CRTC2: variants seen among roughly 807,000 people sequenced by gnomAD.
CRTC2 encodes CREB regulated transcription coactivator 2, also known as CREB-regulated transcription coactivator 2.
A neutral mutation model predicts 70.9 loss-of-function variants in CRTC2; 25 were observed. The ratio of observed to expected loss-of-function variants is 0.35; its 90% CI spans 0.26 to 0.49. CRTC2 has a LOEUF of 0.49. CRTC2 is among the 20% of genes least tolerant of loss of function. CRTC2 has a pLI of 0.98. For missense variants in CRTC2, 737 were observed against 882.6 expected (o/e 0.83, Z 2.09); for synonymous variants, 330 against 364.1 (o/e 0.91, Z 1.07).
At chr1:153,950,375 C>T (rs1000295427) in intron 11 of CRTC2, among the ~76,000 whole-genome samples, 4 of 152,200 alleles carry the variant, frequency 2.6e-5, no homozygotes, top group African/African-American at 9.7e-5. Context: ...CAAGCTCACT[C>T]CACACTCTGG....
chr1:153,948,291 C>A lies in CRTC2; in HGVS notation c.1900G>T (p.Ala634Ser), dbSNP rs535110806. The change falls in exon 14 of 14, where the codon GCC (alanine) becomes TCC (serine). Residue 634 changes from alanine to serine, a missense_variant. Physicochemically the swap from Ala to Ser is moderately conservative, Grantham distance 99. This residue lies in a region of CRTC2 where 699 missense variants were observed against 823.7 expected (regional missense o/e 0.85). Transcript: ENST00000368633. ...SPGFSKEIAA[A>S]LAGVPGFEVS... ...TCAAAGCCAGGCACTCCGGCCAGGGCTGCTGCAATCTCCTTAGAGAAACCT... is the reference window on the plus strand; with the variant it reads ...TCAAAGCCAGGCACTCCGGCCAGGGATGCTGCAATCTCCTTAGAGAAACCT... 2 of 1,614,266 alleles carry A rather than the reference C, an allele frequency of 1.2e-6. No individual in the cohort carries two copies. The highest frequency in any genetic ancestry group is 2.7e-5 in the African/African-American group (2 of 75,078).
At chr1:153,950,991 C>G (rs1442579372) in intron 11 of CRTC2, among the ~76,000 whole-genome samples, 1 of 152,130 alleles carries the variant, frequency 6.6e-6, no homozygotes, top group Non-Finnish European at 1.5e-5. Context: ...AATACTGAGG[C>G]TTATAGAAAT....
At chr1:153,955,369 C>T (rs1319105436) in intron 1 of CRTC2, among the ~76,000 whole-genome samples, 1 of 151,960 alleles carries the variant, frequency 6.6e-6, no homozygotes, top group Non-Finnish European at 1.5e-5. Context: ...AGATCGACAC[C>T]ATCCTGGCTA....
chr1:153,951,729 A>G, intron 10 of CRTC2, 63 bp from the exon 11 acceptor site: 6 of 1,562,488 alleles, frequency 3.8e-6, no homozygotes, highest in Non-Finnish European at 4.4e-6. Flanking sequence ...GCCCCTTTCC[A>G]CCCAGAATGG....
chr1:153,955,421 G>C (rs12144902), intron 1 of CRTC2, among the ~76,000 whole-genome samples: 1 of 152,002 alleles, frequency 6.6e-6, no homozygotes, highest in African/African-American at 2.4e-5. Context: ...CAAAAAATTA[G>C]CCGGGCGTGG....
Position 153,951,287 on chromosome 1 carries a change from C to T in CRTC2, c.1377G>A (p.Met459Ile), listed in dbSNP as rs1553207944. The T allele has an allele frequency of 2.5e-6, 4 of 1,613,984 alleles. No homozygotes were observed. Among genetic ancestry groups the T allele is most frequent in the Non-Finnish European group, 3.4e-6 (4 of 1,180,004 alleles). The change falls in exon 11 of 14, where the codon ATG (methionine) becomes ATA (isoleucine). Residue 459 changes from methionine (M) to isoleucine (I), a missense_variant. Met to Ile is a conservative substitution (Grantham distance 10). Around this residue, in one of 3 missense-constraint regions of CRTC2, gnomAD observed 699 missense variants for 823.7 expected, o/e 0.85. Transcript: ENST00000368633. ...QQLPKQFSPTMSPTLSSITQG... is the reference protein window; with the variant it reads ...QQLPKQFSPTISPTLSSITQG... The stretch of plus-strand genomic sequence containing the variant: ...GAGTGATGGAAGACAAGGTGGGTGA[C>T]ATTGTTGGCGAAAACTGTTTGGGCA...
rs763177875 is a variant in CRTC2, at chr1:153,953,559, C to G, written c.482G>C (p.Arg161Pro). The G allele has an allele frequency of 6.2e-7, 1 of 1,611,016 alleles. No individual in the cohort carries two copies. Among genetic ancestry groups the G allele is most frequent in the South Asian group, 1.1e-5 (1 of 90,712 alleles). ...NFPAEKGQLF[R>P]LPSALNRTSS... ...TCACCTGTTAAGTGCAGATGGTAGTCGAAACAACTGCCCCTTCTCTGCAGG... is the reference window on the plus strand; with the variant it reads ...TCACCTGTTAAGTGCAGATGGTAGTGGAAACAACTGCCCCTTCTCTGCAGG... The change falls in exon 5 of 14, where the codon CGA (arginine) becomes CCA (proline). Residue 161 changes from arginine to proline, a missense_variant. Physicochemically the swap from Arg to Pro is moderately radical, Grantham distance 103. Transcript: ENST00000368633.
At position 153,949,813 on chromosome 1, in the gene CRTC2, G is replaced by C. The variant is rs184270497; in HGVS notation, c.1405-429C>G. Among the ~76,000 whole-genome samples the C allele has an allele frequency of 7.5e-3, 1,132 of 151,770 alleles. 9 individuals are homozygous for C. Among genetic ancestry groups the C allele is most frequent in the Non-Finnish European group, 0.012 (847 of 67,958 alleles). Reference sequence around the variant, plus strand: ...TGCAGTGAGCCAAGATCACACCACTGCACTTCAGCCTGGGCAACAGAGCGA... The same window carrying C: ...TGCAGTGAGCCAAGATCACACCACTCCACTTCAGCCTGGGCAACAGAGCGA... On this transcript the variant is annotated intron_variant, in intron 11 of 13. Transcript: ENST00000368633.
In CRTC2 at chr1:153,953,614, A is replaced by G; in HGVS notation, c.435-8T>C. On this transcript the variant is annotated splice_region_variant and splice_polypyrimidine_tract_variant and intron_variant, in intron 4 of 13. Coordinates refer to ENST00000368633, the MANE Select transcript of CRTC2 (RefSeq NM_181715.3). The stretch of plus-strand genomic sequence containing the variant: ...TTGCCCCAGGCCATCGTCCTGGGGT[A>G]GAAAAACAAAGTCATGAGGAGGAAG... The G allele has an allele frequency of 6.2e-7, 1 of 1,602,016 alleles. No individual in the cohort carries two copies. Among genetic ancestry groups the G allele is most frequent in the South Asian group, 1.1e-5 (1 of 89,724 alleles).
At chr1:153,948,843 C>T (rs541085481) in intron 12 of CRTC2, 199 bp from the exon 13 acceptor site, 1 of 754,186 alleles carries the variant, frequency 1.3e-6, no homozygotes, top group East Asian at 2.7e-5. Flanking sequence ...CCTGCTGGGC[C>T]AGAGCATGTG....
intron 1 of CRTC2, 22 bp downstream of exon 1, chr1:153,958,323 G>T (rs1238802122): frequency 6.2e-7 from 1 of 1,607,584 alleles, no homozygotes; most frequent in East Asian, 2.2e-5. Context: ...CTCTGCTCCG[G>T]CTCCCCGGCG....
chr1:153,948,819 G>T, intron 12 of CRTC2, 175 bp from the exon 13 acceptor site: 1 of 788,770 alleles, frequency 1.3e-6, no homozygotes, highest in Non-Finnish European at 2.2e-6. Context: ...CCCGAAGTAA[G>T]TATGGGCACC....
rs200473751 is a variant in CRTC2 at position 153,952,788 on chromosome 1, C to G, written c.637+17G>C. On this transcript the variant is annotated intron_variant, in intron 7 of 13. Transcript: ENST00000368633. ...ATTCTTTGGCATTCAGTACCCACAG[C>G]AGTGAGGAACACATACCTTTGGGGT... The G allele has an allele frequency of 2.5e-6, 4 of 1,614,080 alleles. No individual in the cohort carries two copies. In the African/African-American group the frequency reaches 5.3e-5, roughly 22 times the overall value.
At chr1:153,952,974 G>T in intron 6 of CRTC2, 140 bp from the exon 7 acceptor site, 1 of 1,051,384 alleles carries the variant, frequency 9.5e-7, no homozygotes, top group African/African-American at 1.6e-5. Flanking sequence ...ACGAGGTCAG[G>T]AGTTCAAGAC....
rs557807536 is a variant in CRTC2, at chr1:153,953,197, T to TAATA, written c.607+65_607+68dup. The TAATA allele has an allele frequency of 1.7e-3, 1,365 of 822,678 alleles. 2 individuals carry two copies. Among genetic ancestry groups the TAATA allele is most frequent in the African/African-American group, 6.4e-3 (359 of 55,684 alleles). The allele number at this position is 822,678 out of a possible 1,614,324, so 51.0% of individuals were successfully genotyped here. A position where few individuals can be genotyped will look rare whatever the true frequency, so the allele number is the denominator to read the frequency against. On this transcript the variant is annotated intron_variant, in intron 6 of 13. Coordinates refer to ENST00000368633, the MANE Select transcript of CRTC2 (RefSeq NM_181715.3). ...GACTCCGTCTCAAAAAAGAAAGAAA[T>TAATA]AATAAATAAATAAATAAATAAATAA...
intron 11 of CRTC2, 120 bp from the exon 12 acceptor site, chr1:153,949,504 C>T (rs1680209839): frequency 1.8e-6 from 2 of 1,100,548 alleles, no homozygotes; most frequent in Admixed American, 3.0e-5. Context: ...CAACATTCCA[C>T]ATTCTCACGG....
In CRTC2 at chr1:153,949,458, C is replaced by T. The variant is rs553008093; in HGVS notation, c.1405-74G>A. The T allele has an allele frequency of 3.5e-5, 50 of 1,445,608 alleles. No homozygotes were observed. The Admixed American group carries it at 5.5e-4, about 16-fold the overall frequency. The allele number at this position is 1,445,608 out of a possible 1,614,324, so 89.5% of individuals were successfully genotyped here. ...AGAACTCTCAGTCAGAGCTTCCCAC[C>T]TTCTTTAGCTACAACCATTCCCAAA... On this transcript the variant is annotated intron_variant, in intron 11 of 13. Coordinates refer to ENST00000368633, the MANE Select transcript of CRTC2 (RefSeq NM_181715.3).
At chr1:153,956,133 C>T (rs183704538) in intron 1 of CRTC2, among the ~76,000 whole-genome samples, 1 of 152,352 alleles carries the variant, frequency 6.6e-6, no homozygotes, top group Admixed American at 6.5e-5. Context: ...ACAAAGCCTG[C>T]ACCTCCCAAA....
chr1:153,950,828 GAC>G (rs1242822079), intron 11 of CRTC2, among the ~76,000 whole-genome samples: 5 of 152,168 alleles, frequency 3.3e-5, no homozygotes, highest in African/African-American at 1.2e-4. Flanking sequence ...TGAGATAAAA[GAC>G]AGATATAAAA....
Sources: gnomAD v4.1 joint callset for allele counts (sites outside exome capture counted in the v4.1 genomes callset) on GRCh38, gnomAD v4.1.1 for gene constraint, gnomAD v4.1.1 regional missense constraint, MANE v1.5 for transcripts, NCBI Gene and HGNC (gene_info 2026-07-23, HGNC 2026-07-21) for gene names.